The following HCN1 variants were observed in gnomAD, a reference collection of about 807,000 sequenced individuals.
HCN1 encodes the protein potassium/sodium hyperpolarization-activated cyclic nucleotide-gated channel 1.
In HCN1, 13 loss-of-function variants were observed where a neutral mutation model predicts 78.9. The observed-to-expected ratio is 0.16, with a 90% CI of 0.11 to 0.26. The LOEUF is 0.26. HCN1 is among the 10% of genes least tolerant of loss of function. HCN1 has a pLI of 1.00. For missense variants in HCN1, 810 were observed against 1,154.3 expected (o/e 0.70, Z 4.32); for synonymous variants, 552 against 455.5 (o/e 1.21, Z -2.70).
chr5:45,407,410 T>C (rs2112052093), intron 3 of HCN1, among the ~76,000 whole-genome samples: 1 of 152,288 alleles, frequency 6.6e-6, no homozygotes, highest in East Asian at 1.9e-4. Context: ...AGTTTATGTA[T>C]TTAGTATACT....
chr5:45,363,145 C>CATATATATATATATATATATAT (rs34074894), intron 4 of HCN1, among the ~76,000 whole-genome samples: 3 of 131,272 alleles, frequency 2.3e-5, no homozygotes, highest in African/African-American at 9.0e-5. Flanking sequence ...TATATATATA[C>CATATATATATATATATATATAT]ATATATATAT....
intron 3 of HCN1, among the ~76,000 whole-genome samples, chr5:45,455,878 C>T (rs1161242811): frequency 6.6e-6 from 1 of 150,808 alleles, no homozygotes; most frequent in Non-Finnish European, 1.5e-5. Context: ...ATAGCACAGA[C>T]AGGTACCCAT....
intron 3 of HCN1, among the ~76,000 whole-genome samples, chr5:45,411,948 C>T (rs1740032459): frequency 6.6e-6 from 1 of 152,028 alleles, no homozygotes; most frequent in African/African-American, 2.4e-5. Flanking sequence ...AGCAGAATGC[C>T]AAGTTTGCCA....
chr5:45,421,129 C>T (rs887086402), intron 3 of HCN1, among the ~76,000 whole-genome samples: 3 of 151,710 alleles, frequency 2.0e-5, no homozygotes, highest in East Asian at 1.9e-4. Context: ...GTGGTGCGAT[C>T]TCAGCTCAAT....
At chr5:45,682,286 T>C (rs886076990) in intron 1 of HCN1, among the ~76,000 whole-genome samples, 9 of 120,324 alleles carry the variant, frequency 7.5e-5, no homozygotes, top group African/African-American at 3.4e-4. Context: ...TATATATATA[T>C]ATACACATAT....
intron 5 of HCN1, among the ~76,000 whole-genome samples, chr5:45,337,729 A>T (rs1189247314): frequency 6.6e-6 from 1 of 152,122 alleles, no homozygotes; most frequent in Non-Finnish European, 1.5e-5. Context: ...ATATGCATAC[A>T]ACAAAAACAC....
intron 4 of HCN1, among the ~76,000 whole-genome samples, chr5:45,367,793 A>G (rs1415848637): frequency 6.6e-6 from 1 of 151,950 alleles, no homozygotes; most frequent in Non-Finnish European, 1.5e-5. Flanking sequence ...TCATCAATAC[A>G]AAACAAAACA....
chr5:45,652,386 G>C (rs1309203422), intron 1 of HCN1, among the ~76,000 whole-genome samples: 1 of 151,640 alleles, frequency 6.6e-6, no homozygotes, highest in Non-Finnish European at 1.5e-5. Flanking sequence ...TATTAGCATA[G>C]ACTCATTTTT....
At position 45,623,716 on chromosome 5, in the gene HCN1, A is replaced by C. The variant is rs1024297642; in HGVS notation, c.849+21469T>G. ...TACGTTGTTTTAGGCAAAGAGGACA[A>C]CACAATAATGAAACAAAATCTCATG... On this transcript the variant is annotated intron_variant, in intron 2 of 7. Coordinates refer to ENST00000303230, the MANE Select transcript of HCN1 (RefSeq NM_021072.4). Among the ~76,000 whole-genome samples the C allele has an allele frequency of 2.6e-5, 4 of 152,210 alleles. No individual in the cohort carries two copies. The East Asian group carries it at 7.7e-4, about 29-fold the overall frequency.
At chr5:45,585,126 C>A (rs1271755445) in intron 2 of HCN1, among the ~76,000 whole-genome samples, 1 of 152,172 alleles carries the variant, frequency 6.6e-6, no homozygotes, top group Non-Finnish European at 1.5e-5. Flanking sequence ...AGAGTGTTTT[C>A]CAACTTGGTT....
intron 2 of HCN1, among the ~76,000 whole-genome samples, chr5:45,510,977 C>T (rs1742404608): frequency 6.6e-6 from 1 of 151,904 alleles, no homozygotes; most frequent in Non-Finnish European, 1.5e-5. Flanking sequence ...CTCTTTCTCC[C>T]ATTTTAATGG....
chr5:45,534,383 C>A (rs1379991050), intron 2 of HCN1, among the ~76,000 whole-genome samples: 1 of 102,750 alleles, frequency 9.7e-6, no homozygotes, highest in Admixed American at 1.5e-4. Context: ...CCAGCCTGGG[C>A]AACAGAGTGA....
At chr5:45,351,970 G>T (rs1170836040) in intron 5 of HCN1, among the ~76,000 whole-genome samples, 1 of 152,116 alleles carries the variant, frequency 6.6e-6, no homozygotes, top group Non-Finnish European at 1.5e-5. Context: ...TCAGTGTGGC[G>T]ATTCCTCAGG....
Position 45,496,246 on chromosome 5 carries a change from T to G in HCN1, c.850-34239A>C, listed in dbSNP as rs538566713. On this transcript the variant is annotated intron_variant, in intron 2 of 7. Transcript: ENST00000303230. Reference sequence around the variant, plus strand: ...CATCTGGTCCTGGACTCTTTTTGGTTGGTAAACTATTGATTATTGCCACAA... The same window carrying G: ...CATCTGGTCCTGGACTCTTTTTGGTGGGTAAACTATTGATTATTGCCACAA... Among the ~76,000 whole-genome samples, 779 of 152,074 alleles carry G rather than the reference T, an allele frequency of 5.1e-3. 9 individuals are homozygous for G. The highest frequency in any genetic ancestry group is 0.017 in the African/African-American group (693 of 41,460).
intron 6 of HCN1, among the ~76,000 whole-genome samples, chr5:45,271,359 T>TACAC (rs34016747): frequency 0.11 from 14,640 of 137,258 alleles, 796 homozygotes; most frequent in African/African-American, 0.13. Context: ...CTGATTCAGG[T>TACAC]ACACACACAC....
rs562167672 is a variant in HCN1 at position 45,540,415 on chromosome 5, C to A, written c.850-78408G>T. ...TGATCATGGTTCATTGCAGCCTCAA[C>A]CTCCCCAGGCTCAGGTGATTCTCCC... On this transcript the variant is annotated intron_variant, in intron 2 of 7. Coordinates refer to ENST00000303230, the MANE Select transcript of HCN1 (RefSeq NM_021072.4). Among the ~76,000 whole-genome samples the A allele has an allele frequency of 1.4e-4, 21 of 151,510 alleles. No homozygotes were observed. The South Asian group carries it at 4.0e-3, about 29-fold the overall frequency.
rs145013320 is a variant in HCN1 at position 45,403,726 on chromosome 5, G to T, written c.1012-7016C>A. Among the ~76,000 whole-genome samples, 49 of 152,246 alleles carry T rather than the reference G, an allele frequency of 3.2e-4. 1 individual carries two copies. In the East Asian group the frequency reaches 7.1e-3, roughly 22 times the overall value. On this transcript the variant is annotated intron_variant, in intron 3 of 7. Transcript: ENST00000303230. ...TATCAGGGCTCAAGGAGAAAAAATA[G>T]ATTGACTGTGATAAAACACACACAA...
chr5:45,559,195 T>C (rs1743545781), intron 2 of HCN1: 1 of 152,066 alleles, frequency 6.6e-6, no homozygotes, highest in Admixed American at 6.6e-5. Context: ...CCAAGAGCTC[T>C]GATGGATATG....
intron 2 of HCN1, among the ~76,000 whole-genome samples, chr5:45,549,162 G>C (rs1743300627): frequency 6.6e-6 from 1 of 151,976 alleles, no homozygotes; most frequent in South Asian, 2.1e-4. Context: ...AGTTCATATG[G>C]AACCAAAAAA....
Sources: gnomAD v4.1 joint callset for allele counts (sites outside exome capture counted in the v4.1 genomes callset) on GRCh38, gnomAD v4.1.1 for gene constraint, MANE v1.5 for transcripts, NCBI Gene and HGNC (gene_info 2026-07-23, HGNC 2026-07-21) for gene names.